GRIPAP1: variants seen among roughly 807,000 people sequenced by gnomAD.
GRIPAP1 encodes GRIP1-associated protein 1.
In GRIPAP1, 14 loss-of-function variants were observed where a neutral mutation model predicts 84.1. The observed-to-expected ratio is 0.17, with a 90% CI of 0.11 to 0.26. The LOEUF (loss-of-function observed/expected upper bound fraction) is 0.26, where lower values mean the gene tolerates loss of function less well. GRIPAP1 is among the 10% of genes least tolerant of loss of function. GRIPAP1 has a pLI of 1.00. For synonymous variants in GRIPAP1, 261 were observed against 256.8 expected (o/e 1.02, Z -0.15); for missense variants, 518 against 674.2 (o/e 0.77, Z 2.57).
intron 25 of GRIPAP1, 70 bp downstream of exon 25, chrX:48,975,085 C>T (rs781972670): frequency 4.6e-6 from 5 of 1,081,730 alleles, no homozygotes; most frequent in South Asian, 4.2e-5. Flanking sequence ...GGCAGATGAC[C>T]CAGGGGCTAT....
Position 48,993,506 on chromosome X carries a change from C to T in GRIPAP1, c.379G>A (p.Ala127Thr). 15 of 1,191,335 alleles carry T rather than the reference C, an allele frequency of 1.3e-5. No homozygotes were observed. Among genetic ancestry groups the T allele is most frequent in the Non-Finnish European group, 1.6e-5 (14 of 884,567 alleles). ...CCATCCACGAGGGGCCCAGCTTGGG[C>T]AACCCCTGCTCCTGCAGCCCCCTCC... is the stretch of plus-strand genomic sequence containing the variant. ...LKEGAAGAGVAQAGPLVDGEL... is the reference protein window; with the variant it reads ...LKEGAAGAGVTQAGPLVDGEL... The change falls in exon 6 of 26, where the codon GCC (alanine) becomes ACC (threonine). Residue 127 changes from alanine (A) to threonine (T), a missense_variant. Around this residue, in one of 5 missense-constraint regions of GRIPAP1, gnomAD observed 372 missense variants for 458.1 expected, o/e 0.81. Transcript: ENST00000376423.
At chrX:48,998,954 T>G in intron 3 of GRIPAP1, 2 of 329,039 alleles carry the variant, frequency 6.1e-6, no homozygotes, top group Non-Finnish European at 1.1e-5. Context: ...CGAGGTAGAT[T>G]TACTGATAGA....
At chrX:48,981,534 C>T in intron 19 of GRIPAP1, 62 bp from the exon 20 acceptor site, 1 of 1,169,769 alleles carries the variant, frequency 8.5e-7, no homozygotes, top group Non-Finnish European at 1.2e-6. Flanking sequence ...CATGCTCCCT[C>T]CCTGCCCCTC....
At chrX:49,002,158 C>G in intron 1 of GRIPAP1, 30 bp downstream of exon 1, 1 of 1,084,749 alleles carries the variant, frequency 9.2e-7, no homozygotes, top group South Asian at 1.9e-5. Context: ...GGTCGCCTAG[C>G]CGGGTGGTCT....
chrX:48,982,533 G>A (rs1324232099), intron 17 of GRIPAP1, among the ~76,000 whole-genome samples: 2 of 112,025 alleles, frequency 1.8e-5, no homozygotes, highest in Non-Finnish European at 3.8e-5. Flanking sequence ...CAGCCACCAT[G>A]CCCGGCTAAT....
intron 3 of GRIPAP1, among the ~76,000 whole-genome samples, chrX:48,998,720 C>T (rs185578757): frequency 6.2e-4 from 70 of 112,382 alleles, no homozygotes; most frequent in Admixed American, 5.7e-3. Context: ...ATTTATTGAG[C>T]ACATATTATG....
chrX:48,999,006 C>A, intron 3 of GRIPAP1: 1 of 370,712 alleles, frequency 2.7e-6, no homozygotes. Context: ...GAATGAGTAA[C>A]TGAAATTAGA....
intron 14 of GRIPAP1, among the ~76,000 whole-genome samples, chrX:48,984,788 C>T (rs781999156): frequency 2.1e-4 from 22 of 104,954 alleles, no homozygotes; most frequent in African/African-American, 7.7e-4. Context: ...TTCGGGAGGC[C>T]GAGGCGGGCA....
intron 21 of GRIPAP1, among the ~76,000 whole-genome samples, chrX:48,979,788 A>G (rs186719036): frequency 4.9e-5 from 5 of 102,149 alleles, no homozygotes; most frequent in African/African-American, 1.8e-4. Flanking sequence ...AATTTTTTGT[A>G]TTTTCAGTTG....
intron 8 of GRIPAP1, 53 bp downstream of exon 8, chrX:48,990,632 G>A: frequency 1.9e-6 from 2 of 1,055,358 alleles, no homozygotes; most frequent in East Asian, 6.2e-5. Flanking sequence ...GAATGGAATG[G>A]GAAAGAATCC....
intron 3 of GRIPAP1, 60 bp from the exon 4 acceptor site, chrX:48,998,240 G>C (rs1442336937): frequency 1.2e-5 from 10 of 853,096 alleles, no homozygotes; most frequent in African/African-American, 2.0e-5. Context: ...GCCTTACTAG[G>C]ATATGGAGAC....
intron 5 of GRIPAP1, among the ~76,000 whole-genome samples, chrX:48,996,937 T>C (rs1019436089): frequency 4.5e-5 from 5 of 111,389 alleles, no homozygotes; most frequent in Non-Finnish European, 9.4e-5. Flanking sequence ...GAACTCTGCC[T>C]AAAACCCCCC....
intron 3 of GRIPAP1, 65 bp downstream of exon 3, chrX:48,999,173 G>T: frequency 1.2e-6 from 1 of 818,084 alleles, no homozygotes; most frequent in Non-Finnish European, 1.8e-6. Context: ...CTGGAGGGAT[G>T]AATGAGTCAG....
At chrX:49,000,364 C>CAAAA (rs1156902802) in intron 1 of GRIPAP1, among the ~76,000 whole-genome samples, 4 of 22,231 alleles carry the variant, frequency 1.8e-4, no homozygotes, top group Admixed American at 9.8e-4. Context: ...GACTCTGTCT[C>CAAAA]AAAAAAAAAA....
intron 21 of GRIPAP1, among the ~76,000 whole-genome samples, chrX:48,980,116 TTC>T (rs1237705151): frequency 9.1e-6 from 1 of 110,290 alleles, no homozygotes; most frequent in Non-Finnish European, 1.9e-5. Flanking sequence ...GGACCAAGTT[TTC>T]TCTGAGTCTG....
chrX:49,001,376 C>T (rs1178222781), intron 1 of GRIPAP1, among the ~76,000 whole-genome samples: 3 of 96,331 alleles, frequency 3.1e-5, no homozygotes, highest in Non-Finnish European at 4.1e-5. Flanking sequence ...CAGTGAGGAA[C>T]CCTCTCAACA....
Position 48,997,371 on chromosome X carries a change from CA to C in GRIPAP1, c.199-15del. 9.9e-7 allele frequency: 1 copy of C among 1,009,946 alleles called. No individual in the cohort carries two copies. The highest frequency in any genetic ancestry group is 1.4e-6 in the Non-Finnish European group (1 of 727,914). The allele number at this position is 1,009,946 out of a possible 1,213,427, so 83.2% of individuals were successfully genotyped here. A position where few individuals can be genotyped will look rare whatever the true frequency, so the allele number is the denominator to read the frequency against. ...TACCTCGACTTCCTGCAGTGGCAGACAAGGGCCAGGACTCCAGCAAGGGCAA... is the reference window on the plus strand; with the variant it reads ...TACCTCGACTTCCTGCAGTGGCAGACAGGGCCAGGACTCCAGCAAGGGCAA... On this transcript the variant is annotated splice_polypyrimidine_tract_variant and intron_variant, in intron 4 of 25. Transcript: ENST00000376423.
intron 23 of GRIPAP1, 49 bp downstream of exon 23, chrX:48,976,192 C>A (rs782807838): frequency 8.4e-7 from 1 of 1,184,333 alleles, no homozygotes; most frequent in Non-Finnish European, 1.1e-6. Flanking sequence ...ACCCCACACC[C>A]ACAAGGGCAC....
intron 21 of GRIPAP1, among the ~76,000 whole-genome samples, chrX:48,979,270 G>A (rs1178010444): frequency 9.2e-6 from 1 of 108,318 alleles, no homozygotes; most frequent in Non-Finnish European, 1.9e-5. Flanking sequence ...GAGGTCAGGA[G>A]ATCGAGACCA....
Sources: allele counts gnomAD v4.1 joint callset (sites outside exome capture counted in the v4.1 genomes callset), GRCh38; gene constraint gnomAD v4.1.1; regional missense constraint gnomAD v4.1.1; transcripts MANE v1.5; gene names NCBI Gene and HGNC (gene_info 2026-07-23, HGNC 2026-07-21).